FBXW7: variants seen among roughly 807,000 people sequenced by gnomAD.
FBXW7 encodes the protein F-box and WD repeat domain containing 7, also known as F-box/WD repeat-containing protein 7.
A neutral mutation model predicts 86.3 loss-of-function variants in FBXW7; 11 were observed. That is an observed-to-expected ratio of 0.13 (90% CI 0.08 to 0.21). FBXW7 has a LOEUF of 0.21. Among genes scored for constraint, FBXW7 ranks in the 10% least tolerant of loss-of-function variants. FBXW7 has a pLI of 1.00. For missense variants in FBXW7, 488 were observed against 847.4 expected, an observed-to-expected ratio of 0.58 and a Z score of 5.27; for synonymous variants, 313 against 297.9, an observed-to-expected ratio of 1.05 and a Z score of -0.52.
chr4:152,394,461 G>A (rs897808727), intron 4 of FBXW7, among the ~76,000 whole-genome samples: 2 of 151,974 alleles, frequency 1.3e-5, no homozygotes, highest in East Asian at 1.9e-4. Context: ...AATATCTGTC[G>A]GGGATCAAGA....
In FBXW7 at chr4:152,329,728, T is replaced by C. The variant is rs2126525587; in HGVS notation, c.1180A>G (p.Ile394Val). The C allele has an allele frequency of 6.3e-7, 1 of 1,592,376 alleles. No individual in the cohort carries two copies. Among genetic ancestry groups the C allele is most frequent in the Non-Finnish European group, 8.5e-7 (1 of 1,170,988 alleles). Reference protein sequence around the residue: ...ITCLQFCGNRIVSGSDDNTLK... With the variant: ...ITCLQFCGNRVVSGSDDNTLK... Reference sequence around the variant, plus strand: ...GTGTTGTCATCAGAACCACTAACTATTCGGTTACCACAAAACTGTAAGCAT... The same window carrying C: ...GTGTTGTCATCAGAACCACTAACTACTCGGTTACCACAAAACTGTAAGCAT... Residue 394 changes from isoleucine to valine, a missense_variant, in exon 10 of 14, where the codon ATA (isoleucine) becomes GTA (valine). Ile to Val is a conservative substitution (Grantham distance 29, BLOSUM62 3). Coordinates refer to ENST00000281708, the MANE Select transcript of FBXW7 (RefSeq NM_001349798.2).
Position 152,411,499 on chromosome 4 carries a change from T to A in FBXW7, c.305A>T (p.Glu102Val), listed in dbSNP as rs2126879012. 6.2e-7 allele frequency: 1 copy of A among 1,613,848 alleles called. No individual in the cohort carries two copies. The highest frequency in any genetic ancestry group is 8.5e-7 in the Non-Finnish European group (1 of 1,179,868). Reference sequence around the variant, plus strand: ...CTCATCTTGTTCACCAGCATGTTCTTCATCTTCCTCTTGTTCTTCTTGGTT... The same window carrying A: ...CTCATCTTGTTCACCAGCATGTTCTACATCTTCCTCTTGTTCTTCTTGGTT... ...SGNQEEQEED[E>V]EHAGEQDEED... The change falls in exon 4 of 14, where the codon GAA (glutamate) becomes GTA (valine). Residue 102 changes from glutamate (E) to valine (V), a missense_variant. By Grantham distance (121) the Glu-to-Val change is moderately radical. Coordinates refer to ENST00000281708, the MANE Select transcript of FBXW7 (RefSeq NM_001349798.2).
At position 152,370,729 on chromosome 4, in the gene FBXW7, T is replaced by C. The variant is rs74765294; in HGVS notation, c.502-20605A>G. Among the ~76,000 whole-genome samples the C allele has an allele frequency of 9.2e-5, 14 of 152,080 alleles. No individual in the cohort carries two copies. In the East Asian group the frequency reaches 2.7e-3, roughly 29 times the overall value. On this transcript the variant is annotated intron_variant, in intron 4 of 13. Transcript: ENST00000281708. The stretch of plus-strand genomic sequence containing the variant: ...AGTAAGATGTACGTTTGAGAAATGA[T>C]GGCTCTCCTAAGAAGAAAAGCCTGC...
intron 7 of FBXW7, 126 bp from the exon 8 acceptor site, chr4:152,332,845 T>G (rs553846033): frequency 2.8e-6 from 1 of 361,134 alleles, no homozygotes; most frequent in East Asian, 1.1e-4. Flanking sequence ...TTTCTAAAAT[T>G]ATGAAAGGCA....
chr4:152,517,178 T>C (rs1327896657), intron 2 of FBXW7, among the ~76,000 whole-genome samples: 1 of 152,148 alleles, frequency 6.6e-6, no homozygotes, highest in Non-Finnish European at 1.5e-5. Flanking sequence ...TCTTGGTCTT[T>C]ATCCATTTCT....
chr4:152,527,860 T>TTA (rs147593266), intron 2 of FBXW7, among the ~76,000 whole-genome samples: 41,526 of 114,548 alleles, frequency 0.36, 7,108 homozygotes, highest in African/African-American at 0.54. Context: ...AATTTAAAAA[T>TTA]TATATACACA....
intron 2 of FBXW7, among the ~76,000 whole-genome samples, chr4:152,521,027 A>G (rs1748963072): frequency 1.3e-5 from 2 of 152,226 alleles, no homozygotes; most frequent in Non-Finnish European, 2.9e-5. Context: ...GCCAACCCCC[A>G]TAGAACTTAT....
At chr4:152,418,771 T>C (rs530392523) in intron 2 of FBXW7, among the ~76,000 whole-genome samples, 2 of 152,250 alleles carry the variant, frequency 1.3e-5, no homozygotes, top group Admixed American at 1.3e-4. Flanking sequence ...ACAATCTTTT[T>C]TTATTCAGCA....
At chr4:152,326,256 A>G (rs1729001854) in intron 11 of FBXW7, 25 bp from the exon 12 acceptor site, 1 of 1,574,754 alleles carries the variant, frequency 6.4e-7, no homozygotes, top group Non-Finnish European at 8.7e-7. Context: ...ACAGAAAAAC[A>G]AAACAAAACA....
chr4:152,416,411 A>G (rs1001469250), intron 2 of FBXW7, among the ~76,000 whole-genome samples: 5 of 152,186 alleles, frequency 3.3e-5, no homozygotes, highest in Non-Finnish European at 7.3e-5. Context: ...GTCATAATAA[A>G]TCATTTTTCC....
chr4:152,496,397 A>G (rs1746342087), intron 2 of FBXW7, among the ~76,000 whole-genome samples: 1 of 152,194 alleles, frequency 6.6e-6, no homozygotes, highest in Non-Finnish European at 1.5e-5. Flanking sequence ...CTATCAAGAA[A>G]AAAATGGAAC....
At chr4:152,447,428 A>G (rs1487349860) in intron 2 of FBXW7, among the ~76,000 whole-genome samples, 2 of 152,210 alleles carry the variant, frequency 1.3e-5, no homozygotes, top group African/African-American at 4.8e-5. Flanking sequence ...TAACACCATC[A>G]GCAAAACTTT....
At chr4:152,425,693 G>C (rs985953576) in intron 2 of FBXW7, among the ~76,000 whole-genome samples, 1 of 152,004 alleles carries the variant, frequency 6.6e-6, no homozygotes, top group Non-Finnish European at 1.5e-5. Context: ...AGGACCCTGG[G>C]AGCTAAGCAT....
chr4:152,461,844 A>G (rs1465100979), intron 2 of FBXW7, among the ~76,000 whole-genome samples: 1 of 152,098 alleles, frequency 6.6e-6, no homozygotes, highest in Non-Finnish European at 1.5e-5. Context: ...GTCCTCACTT[A>G]ATACCATCGA....
intron 5 of FBXW7, chr4:152,348,730 T>A: frequency 8.6e-7 from 1 of 1,161,908 alleles, no homozygotes; most frequent in Non-Finnish European, 1.1e-6. Context: ...AAAATAGCAT[T>A]AACAGTTAGT....
chr4:152,422,422 G>C (rs917568566), intron 2 of FBXW7, among the ~76,000 whole-genome samples: 9 of 152,168 alleles, frequency 5.9e-5, no homozygotes, highest in Admixed American at 4.6e-4. Context: ...CATTAAGACA[G>C]ACATCAGGCA....
intron 4 of FBXW7, among the ~76,000 whole-genome samples, chr4:152,367,711 A>G (rs1733625523): frequency 6.6e-6 from 1 of 152,136 alleles, no homozygotes; most frequent in South Asian, 2.1e-4. Flanking sequence ...ACTGATATCT[A>G]AATCTTTAGT....
chr4:152,332,147 C>T (rs1729621946), intron 8 of FBXW7, among the ~76,000 whole-genome samples: 1 of 151,952 alleles, frequency 6.6e-6, no homozygotes, highest in Non-Finnish European at 1.5e-5. Flanking sequence ...GATAACTACT[C>T]CTCTACTAAG....
intron 2 of FBXW7, among the ~76,000 whole-genome samples, chr4:152,529,179 TTTAAA>T (rs1348382584): frequency 1.5e-4 from 23 of 152,198 alleles, no homozygotes; most frequent in Admixed American, 2.0e-4. Flanking sequence ...CCTTGTGTCT[TTTAAA>T]TTGCCACTCA....
Sources: allele counts gnomAD v4.1 joint callset (sites outside exome capture counted in the v4.1 genomes callset), GRCh38; gene constraint gnomAD v4.1.1; transcripts MANE v1.5; gene names NCBI Gene and HGNC (gene_info 2026-07-23, HGNC 2026-07-21).